Variants in SLC9A8 observed in about 807,000 individuals in gnomAD.
SLC9A8 encodes solute carrier family 9 member A8, also known as sodium/hydrogen exchanger 8.
SLC9A8 carries 48 observed loss-of-function variants against 66.6 expected under a neutral mutation model. That is an observed-to-expected ratio of 0.72 (90% CI 0.57 to 0.92). The LOEUF (loss-of-function observed/expected upper bound fraction) is 0.92. SLC9A8 is among the 40% of genes least tolerant of loss of function. The probability of loss-of-function intolerance (pLI) is 0.00; values close to 1 mark genes in which losing one functional copy is unlikely to be tolerated. For missense variants in SLC9A8, 599 were observed against 747.3 expected (o/e 0.80, Z 2.31); for synonymous variants, 274 against 282.6 (o/e 0.97, Z 0.31).
At chr20:49,854,617 G>T (rs935325310) in intron 7 of SLC9A8, among the ~76,000 whole-genome samples, 1 of 152,112 alleles carries the variant, frequency 6.6e-6, no homozygotes, top group Admixed American at 6.5e-5. Flanking sequence ...TCTACTGTTG[G>T]GGGTAGGAGT....
chr20:49,860,588 G>A (rs543102460), intron 8 of SLC9A8, among the ~76,000 whole-genome samples: 12 of 152,240 alleles, frequency 7.9e-5, no homozygotes, highest in African/African-American at 2.6e-4. Context: ...GGGCACGGTG[G>A]TGCGCATCTG....
intron 14 of SLC9A8, 165 bp downstream of exon 14, chr20:49,884,231 C>CACG (rs1555848244): frequency 4.5e-6 from 1 of 223,576 alleles, no homozygotes; most frequent in South Asian, 4.7e-5. Flanking sequence ...CACACACACA[C>CACG]ACACACACAC....
chr20:49,876,432 C>T (rs1055200185), intron 11 of SLC9A8, among the ~76,000 whole-genome samples: 6 of 152,292 alleles, frequency 3.9e-5, no homozygotes, highest in African/African-American at 7.2e-5. Context: ...TCATTTGCCA[C>T]GTCTGTCTGA....
intron 10 of SLC9A8, among the ~76,000 whole-genome samples, chr20:49,870,660 A>G (rs1478886939): frequency 6.6e-6 from 1 of 152,192 alleles, no homozygotes; most frequent in Non-Finnish European, 1.5e-5. Flanking sequence ...AATAGGCACC[A>G]TATATGTGAT....
intron 15 of SLC9A8, among the ~76,000 whole-genome samples, chr20:49,887,184 G>A (rs1400038409): frequency 6.6e-6 from 1 of 152,196 alleles, no homozygotes; most frequent in African/African-American, 2.4e-5. Flanking sequence ...CTGAATCGGA[G>A]CTGAGGAATT....
chr20:49,884,336 A>ACACACACAC (rs1568884621), intron 14 of SLC9A8, among the ~76,000 whole-genome samples: 4 of 108,518 alleles, frequency 3.7e-5, no homozygotes, highest in Non-Finnish European at 7.7e-5. Context: ...ACACACACAC[A>ACACACACAC]CCCCCCGGTC....
intron 7 of SLC9A8, among the ~76,000 whole-genome samples, chr20:49,852,870 A>G (rs61285615): frequency 0.073 from 10,980 of 151,358 alleles, 415 homozygotes; most frequent in Middle Eastern, 0.085. Context: ...CAGTTAATTT[A>G]GAAAGTTTAT....
chr20:49,871,280 C>T (rs2089196915), intron 10 of SLC9A8, among the ~76,000 whole-genome samples: 1 of 152,108 alleles, frequency 6.6e-6, no homozygotes, highest in African/African-American at 2.4e-5. Flanking sequence ...ACCATGATAC[C>T]TTTTCACTGC....
intron 10 of SLC9A8, among the ~76,000 whole-genome samples, 188 bp downstream of exon 10, chr20:49,865,032 C>T (rs1225082861): frequency 3.9e-5 from 6 of 152,200 alleles, no homozygotes; most frequent in African/African-American, 1.4e-4. Flanking sequence ...GATCCAGGGG[C>T]TCAAACAGTC....
chr20:49,834,418 CTGTATATATATACTGTATA>C (rs2087425521), intron 3 of SLC9A8, among the ~76,000 whole-genome samples: 1 of 33,134 alleles, frequency 3.0e-5, no homozygotes, highest in South Asian at 6.3e-4. Flanking sequence ...TATATATATA[CTGTATATATATACTGTATA>C]TATATATATA....
intron 8 of SLC9A8, among the ~76,000 whole-genome samples, chr20:49,856,865 C>T (rs1280170462): frequency 6.6e-6 from 1 of 151,848 alleles, no homozygotes; most frequent in Non-Finnish European, 1.5e-5. Context: ...TATCACGTGC[C>T]TGTATTCCTA....
At chr20:49,849,246 G>A (rs913110333) in intron 5 of SLC9A8, among the ~76,000 whole-genome samples, 6 of 152,182 alleles carry the variant, frequency 3.9e-5, no homozygotes, top group African/African-American at 1.2e-4. Context: ...AGTGGAAATA[G>A]GGGTCCAGGT....
intron 3 of SLC9A8, among the ~76,000 whole-genome samples, chr20:49,825,675 A>G (rs541459790): frequency 6.6e-6 from 1 of 152,252 alleles, no homozygotes; most frequent in East Asian, 1.9e-4. Flanking sequence ...TGGTGGGGGT[A>G]GGGGCGCTCA....
chr20:49,887,710 C>T (rs1375736506), intron 15 of SLC9A8, 119 bp from the exon 16 acceptor site: 7 of 697,288 alleles, frequency 1.0e-5, no homozygotes, highest in African/African-American at 5.5e-5. Flanking sequence ...TGCCTGTGGC[C>T]ATCACCCTGC....
rs185045898 is a variant in SLC9A8, at chr20:49,840,183, T to C, written c.348+584T>C. 3.9e-3 allele frequency among the ~76,000 whole-genome samples: 595 copies of C among 152,270 alleles called. 6 individuals are homozygous for C. The highest frequency in any genetic ancestry group is 0.014 in the African/African-American group (572 of 41,550). ...GTGTCCAAACCCTCTGGCCTGAATA[T>C]GCAGTGTTTTCTCCACCATACCACC... On this transcript the variant is annotated intron_variant, in intron 4 of 15. Coordinates refer to ENST00000361573, the MANE Select transcript of SLC9A8 (RefSeq NM_015266.3).
chr20:49,862,235 C>G (rs143494371), intron 8 of SLC9A8, among the ~76,000 whole-genome samples: 27 of 152,202 alleles, frequency 1.8e-4, no homozygotes, highest in Middle Eastern at 3.4e-3. Context: ...GTCTTTATCC[C>G]AAATCTAAAC....
intron 11 of SLC9A8, among the ~76,000 whole-genome samples, chr20:49,876,219 G>T (rs965308856): frequency 6.6e-6 from 1 of 152,102 alleles, no homozygotes; most frequent in African/African-American, 2.4e-5. Flanking sequence ...GGGCCAGAGG[G>T]TATTATTTGT....
At chr20:49,822,730 T>G (rs1379303219) in intron 2 of SLC9A8, among the ~76,000 whole-genome samples, 1 of 152,242 alleles carries the variant, frequency 6.6e-6, no homozygotes, top group Non-Finnish European at 1.5e-5. Context: ...GAGACTGCAG[T>G]GACCCTAGAT....
In SLC9A8 at chr20:49,888,295, A is replaced by G. The variant is rs971004199; in HGVS notation, c.*359A>G. 1.3e-5 allele frequency: 3 copies of G among 232,608 alleles called. No homozygotes were observed. Among genetic ancestry groups the G allele is most frequent in the Non-Finnish European group, 2.6e-5 (3 of 113,984 alleles). 14.4% of individuals were successfully genotyped at this position (232,608 alleles called of 1,614,324 possible). On this transcript the variant is annotated 3_prime_UTR_variant, in exon 16 of 16. Coordinates refer to ENST00000361573, the MANE Select transcript of SLC9A8 (RefSeq NM_015266.3). ...GCGGCCCCCTGCCTAGAGGAGCACC[A>G]TCTACAGTTGTGCCATTCCCCAGCC... is the stretch of plus-strand genomic sequence containing the variant.
Sources: allele counts gnomAD v4.1 joint callset (sites outside exome capture counted in the v4.1 genomes callset), GRCh38; gene constraint gnomAD v4.1.1; transcripts MANE v1.5; gene names NCBI Gene and HGNC (gene_info 2026-07-23, HGNC 2026-07-21).